Variants in UPF3A observed in about 807,000 individuals in gnomAD.
UPF3A encodes UPF3A regulator of nonsense mediated mRNA decay.
Under a neutral mutation model 53.5 loss-of-function variants are expected in UPF3A, and 42 were observed. That is an observed-to-expected ratio of 0.78 (90% CI 0.61 to 1.01). UPF3A has a LOEUF of 1.01. UPF3A is among the 50% of genes least tolerant of loss of function. The pLI is 0.00. For missense variants in UPF3A, 575 were observed against 598.0 expected, an observed-to-expected ratio of 0.96 and a Z score of 0.40; for synonymous variants, 237 against 225.3, an observed-to-expected ratio of 1.05 and a Z score of -0.47.
chr13:114,300,360 A>ATTATT (rs942798002), intron 8 of UPF3A, among the ~76,000 whole-genome samples: 2 of 151,886 alleles, frequency 1.3e-5, no homozygotes, highest in Non-Finnish European at 2.9e-5. Flanking sequence ...ATTTTGTTTT[A>ATTATT]TTATTTTATT....
chr13:114,296,029 C>T (rs769825894), intron 7 of UPF3A, among the ~76,000 whole-genome samples: 22 of 152,278 alleles, frequency 1.4e-4, no homozygotes, highest in Middle Eastern at 3.4e-3. Context: ...AGAGAGGTCA[C>T]CGGTGGCCAG....
chr13:114,297,222 G>GTT (rs1181794334), intron 7 of UPF3A, among the ~76,000 whole-genome samples: 26 of 124,562 alleles, frequency 2.1e-4, no homozygotes, highest in Admixed American at 7.3e-4. Context: ...TGGTGCTTCC[G>GTT]TTTTTTTTTT....
At chr13:114,302,782 G>C (rs1332541146) in intron 9 of UPF3A, among the ~76,000 whole-genome samples, 1 of 152,212 alleles carries the variant, frequency 6.6e-6, no homozygotes, top group East Asian at 1.9e-4. Context: ...AGGTTGTTGT[G>C]TGTATGAACG....
rs780380394 is a variant in UPF3A at position 114,291,535 on chromosome 13, A to T, written c.678A>T (p.Leu226Phe). The change falls in exon 6 of 10, where the codon TTA (leucine) becomes TTT (phenylalanine). Residue 226 changes from leucine to phenylalanine, a missense_variant. Transcript: ENST00000375299. ...PLLEYIKNRK[L>F]EKQRIREEKR... Reference sequence around the variant, plus strand: ...TGGAATATATTAAAAATAGAAAATTAGAAAAGCAGGTAGGTCTGGCCTTTA... The same window carrying T: ...TGGAATATATTAAAAATAGAAAATTTGAAAAGCAGGTAGGTCTGGCCTTTA... 1.2e-6 allele frequency: 2 copies of T among 1,609,426 alleles called. No individual in the cohort carries two copies. The highest frequency in any genetic ancestry group is 3.4e-5 in the Admixed American group (2 of 59,304).
At position 114,291,611 on chromosome 13, in the gene UPF3A, C is replaced by G. The variant is rs116897149; in HGVS notation, c.688-23C>G. On this transcript the variant is annotated intron_variant, in intron 6 of 9. Transcript: ENST00000375299. ...GCCATTCTCATCCAGGCAGTTTATACACACGCTCTTCCATGTCTTTAGAGA... is the reference window on the plus strand; with the variant it reads ...GCCATTCTCATCCAGGCAGTTTATAGACACGCTCTTCCATGTCTTTAGAGA... 5.7e-5 allele frequency: 92 copies of G among 1,606,584 alleles called. No homozygotes were observed. The East Asian group carries it at 1.0e-3, about 18-fold the overall frequency.
intron 3 of UPF3A, chr13:114,283,739 T>TAAG: frequency 1.0e-6 from 1 of 985,126 alleles, no homozygotes; most frequent in South Asian, 4.7e-5. Flanking sequence ...CCCTTATCAG[T>TAAG]ACTTCTAGGG....
Position 114,299,386 on chromosome 13 carries a change from T to G in UPF3A, c.1007+386T>G, listed in dbSNP as rs529468203. ...TTGTGATATCTTGCCCTTTGCTCTT[T>G]TATCCCCCTTGCAATTTATCTACAG... On this transcript the variant is annotated intron_variant, in intron 8 of 9. Coordinates refer to ENST00000375299, the MANE Select transcript of UPF3A (RefSeq NM_023011.4). Among the ~76,000 whole-genome samples the G allele has an allele frequency of 9.2e-5, 14 of 152,334 alleles. No individual in the cohort carries two copies. The East Asian group carries it at 2.1e-3, about 23-fold the overall frequency.
chr13:114,292,220 A>G (rs879523511), intron 7 of UPF3A, among the ~76,000 whole-genome samples: 2,152 of 52,546 alleles, frequency 0.041, no homozygotes, highest in Middle Eastern at 0.095. Flanking sequence ...TTCATTTTCG[A>G]CTCAAGGCGT....
In UPF3A at chr13:114,284,013, C is replaced by T. The variant is rs971946836; in HGVS notation, c.421+1070C>T. 4.1e-6 allele frequency: 4 copies of T among 985,304 alleles called. No individual in the cohort carries two copies. The African/African-American group carries it at 7.0e-5, about 17-fold the overall frequency. The allele number at this position is 985,304 out of a possible 1,614,324, so 61.0% of individuals were successfully genotyped here. A position where few individuals can be genotyped will look rare whatever the true frequency, so the allele number is the denominator to read the frequency against. ...AAGCAAATGTGATGCTTGAACTGACCTTTGTGTTCATTGCTCATTTATTCA... is the reference window on the plus strand; with the variant it reads ...AAGCAAATGTGATGCTTGAACTGACTTTTGTGTTCATTGCTCATTTATTCA... On this transcript the variant is annotated intron_variant, in intron 3 of 9. Transcript: ENST00000375299.
chr13:114,291,450 T>G, intron 5 of UPF3A, 39 bp from the exon 6 acceptor site: 1 of 1,504,858 alleles, frequency 6.6e-7, no homozygotes, highest in Non-Finnish European at 9.1e-7. Context: ...ACATCTTTCT[T>G]TAGGAGTTAA....
At chr13:114,284,392 T>A (rs2084447455) in intron 3 of UPF3A, among the ~76,000 whole-genome samples, 1 of 150,994 alleles carries the variant, frequency 6.6e-6, no homozygotes, top group Non-Finnish European at 1.5e-5. Context: ...TATGTGTGTG[T>A]GTGTGTAAAA....
chr13:114,293,638 C>T (rs1257359360), intron 7 of UPF3A, among the ~76,000 whole-genome samples: 1 of 152,092 alleles, frequency 6.6e-6, no homozygotes, highest in Non-Finnish European at 1.5e-5. Context: ...CTCCTCAGTA[C>T]TAAACCTAGA....
intron 3 of UPF3A, chr13:114,285,881 G>A (rs183131436): frequency 3.7e-4 from 59 of 161,056 alleles, no homozygotes; most frequent in Admixed American, 5.5e-4. Flanking sequence ...TTATTTAAAG[G>A]TATTCCAACG....
At chr13:114,283,167 C>T in intron 3 of UPF3A, 1 of 387,062 alleles carries the variant, frequency 2.6e-6, no homozygotes, top group South Asian at 3.0e-5. Flanking sequence ...AGGCGTGTGC[C>T]ACCATGATCG....
chr13:114,282,043 C>G lies in UPF3A; in HGVS notation c.230C>G (p.Pro77Arg), dbSNP rs778022698. 14 of 1,567,640 alleles carry G rather than the reference C, an allele frequency of 8.9e-6. No individual in the cohort carries two copies. The highest frequency in any genetic ancestry group is 9.5e-6 in the Non-Finnish European group (11 of 1,158,106). The stretch of plus-strand genomic sequence containing the variant: ...CAGGTGGTCATCCGCCGCCTGCCTC[C>G]GGGCCTCACCAAGGAGCAGCTGGAG... The part of the protein sequence containing the change: ...LSKVVIRRLP[P>R]GLTKEQLEEQ... The change falls in exon 2 of 10, where the codon CCG becomes CGG. Residue 77 changes from proline to arginine, a missense_variant. Pro to Arg is a moderately radical substitution (Grantham distance 103). This residue lies in a region of UPF3A where 252 missense variants were observed against 182.7 expected (regional missense o/e 1.38). Coordinates refer to ENST00000375299, the MANE Select transcript of UPF3A (RefSeq NM_023011.4).
intron 7 of UPF3A, among the ~76,000 whole-genome samples, chr13:114,295,438 G>GCTCCCCAGCTCGTCTCCAGCGGCTCTGGC (rs1566757543): frequency 2.0e-5 from 3 of 152,230 alleles, no homozygotes; most frequent in Non-Finnish European, 2.9e-5. Flanking sequence ...GCTCTGGCCT[G>GCTCCCCAGCTCGTCTCCAGCGGCTCTGGC]CTGGTTTCTC....
chr13:114,299,143 C>G (rs1050361797), intron 8 of UPF3A, 143 bp downstream of exon 8: 1 of 791,470 alleles, frequency 1.3e-6, no homozygotes, highest in East Asian at 3.2e-5. Flanking sequence ...CCTTCATTTC[C>G]CATCAGCATG....
At chr13:114,290,764 G>A (rs1199032828) in intron 5 of UPF3A, among the ~76,000 whole-genome samples, 1 of 139,880 alleles carries the variant, frequency 7.1e-6, no homozygotes, top group Non-Finnish European at 1.5e-5. Flanking sequence ...GCAGAGTTTC[G>A]CTGTTGTTGC....
intron 3 of UPF3A, chr13:114,283,346 C>T (rs935277622): frequency 6.5e-6 from 1 of 153,512 alleles, no homozygotes; most frequent in Non-Finnish European, 1.5e-5. Context: ...TTAAAAAGTT[C>T]TCAGACTAAA....
Sources: allele counts gnomAD v4.1 joint callset (sites outside exome capture counted in the v4.1 genomes callset), GRCh38; gene constraint gnomAD v4.1.1; regional missense constraint gnomAD v4.1.1; transcripts MANE v1.5; gene names NCBI Gene and HGNC (gene_info 2026-07-23, HGNC 2026-07-21).